The following BOC variants were observed in gnomAD, a reference collection of about 807,000 sequenced individuals.
BOC encodes the protein BOC cell adhesion associated, oncogene regulated.
A neutral mutation model predicts 112.0 loss-of-function variants in BOC; 76 were observed. The ratio of observed to expected loss-of-function variants is 0.68; its 90% CI spans 0.56 to 0.82. The LOEUF is 0.82. Ranked by LOEUF, BOC falls within the 40% of genes least tolerant of loss-of-function variation. BOC has a pLI of 0.00. For synonymous variants in BOC, 580 were observed against 599.8 expected (o/e 0.97, Z 0.48); for missense variants, 1,309 against 1,511.7 (o/e 0.87, Z 2.22).
At chr3:113,246,104 T>G (rs564295336) in intron 2 of BOC, among the ~76,000 whole-genome samples, 1 of 152,370 alleles carries the variant, frequency 6.6e-6, no homozygotes, top group Non-Finnish European at 1.5e-5. Context: ...TTGTTGTTGT[T>G]GTTTTTGGAA....
At chr3:113,273,452 A>C in intron 8 of BOC, 111 bp downstream of exon 8, 1 of 1,220,964 alleles carries the variant, frequency 8.2e-7, no homozygotes, top group Non-Finnish European at 1.1e-6. Context: ...AGTAGCTTTT[A>C]GTTGTAAGCT....
Position 113,274,668 on chromosome 3 carries a change from G to T in BOC, c.1528G>T (p.Val510Leu), listed in dbSNP as rs1204122400. Reference protein sequence around the residue: ...SGRAPILYYVVKHRKQVTNSS... With the variant: ...SGRAPILYYVLKHRKQVTNSS... The stretch of plus-strand genomic sequence containing the variant: ...CCGGGCGCCAATCCTCTACTATGTG[G>T]TGAAACACCGCAAGGTATGGCCCTG... Residue 510 changes from valine to leucine, a missense_variant, in exon 9 of 20, where the codon GTG becomes TTG. By Grantham distance (32) the Val-to-Leu change is conservative. Transcript: ENST00000682979. The surrounding 1 kb of genome is among the most constrained non-coding windows in gnomAD (Gnocchi z 4.8). The T allele has an allele frequency of 2.5e-6, 4 of 1,596,748 alleles. No homozygotes were observed. Among genetic ancestry groups the T allele is most frequent in the Non-Finnish European group, 8.6e-7 (1 of 1,167,550 alleles).
chr3:113,238,900 A>G (rs747655403), intron 2 of BOC, among the ~76,000 whole-genome samples: 1 of 152,222 alleles, frequency 6.6e-6, no homozygotes, highest in African/African-American at 2.4e-5. Context: ...GTTGAGCTTA[A>G]TGTTTTAGAA....
At chr3:113,257,861 G>A (rs1004238512) in intron 4 of BOC, among the ~76,000 whole-genome samples, 1 of 152,142 alleles carries the variant, frequency 6.6e-6, no homozygotes, top group Non-Finnish European at 1.5e-5. Context: ...ATTCTCCAGT[G>A]CTGACTCCTA....
At chr3:113,242,041 C>G (rs1944371772) in intron 2 of BOC, among the ~76,000 whole-genome samples, 1 of 150,960 alleles carries the variant, frequency 6.6e-6, no homozygotes, top group Non-Finnish European at 1.5e-5. Flanking sequence ...AAGAGGAGCT[C>G]TGAATGAAGA....
rs1948229397 is a variant in BOC, at chr3:113,272,539, A to C, written c.797A>C (p.Lys266Thr). The C allele has an allele frequency of 6.2e-7, 1 of 1,613,990 alleles. No homozygotes were observed. Among genetic ancestry groups the C allele is most frequent in the African/African-American group, 1.3e-5 (1 of 74,912 alleles). ...GIPPPRVTWA[K>T]DGSSVTGYNK... Reference sequence around the variant, plus strand: ...CCACCCCCACGGGTCACCTGGGCCAAGGATGGGTCCAGTGTCACCGGCTAC... The same window carrying C: ...CCACCCCCACGGGTCACCTGGGCCACGGATGGGTCCAGTGTCACCGGCTAC... Residue 266 changes from lysine (K) to threonine (T), a missense_variant, in exon 7 of 20, where the codon AAG (lysine) becomes ACG (threonine). Transcript: ENST00000682979.
At chr3:113,214,480 G>C (rs1216211414) in intron 1 of BOC, among the ~76,000 whole-genome samples, 4 of 152,220 alleles carry the variant, frequency 2.6e-5, no homozygotes, top group Non-Finnish European at 5.9e-5. Context: ...CAAAGCCACT[G>C]ATGTGGGTAA....
intron 3 of BOC, 58 bp from the exon 4 acceptor site, chr3:113,250,497 C>T (rs997019116): frequency 1.9e-5 from 30 of 1,540,416 alleles, no homozygotes; most frequent in Admixed American, 6.0e-5. Flanking sequence ...CTTCTAAAAA[C>T]GTGATGTTGT....
intron 6 of BOC, 99 bp downstream of exon 6, chr3:113,271,043 G>A (rs771604309): frequency 6.5e-7 from 1 of 1,548,716 alleles, no homozygotes; most frequent in Non-Finnish European, 8.8e-7. Flanking sequence ...CCACATCCAA[G>A]CTCCAGTTCT....
At position 113,279,996 on chromosome 3, in the gene BOC, C is replaced by G. The variant is rs1318421029; in HGVS notation, c.2196C>G (p.Leu732=). 1.9e-6 allele frequency: 3 copies of G among 1,607,380 alleles called. No individual in the cohort carries two copies. The highest frequency in any genetic ancestry group is 1.7e-6 in the Non-Finnish European group (2 of 1,176,214). Residue 732 remains leucine, a synonymous_variant, in exon 13 of 20, where the codon CTC becomes CTG. Coordinates refer to ENST00000682979, the MANE Select transcript of BOC (RefSeq NM_001378074.1). ...CGGTCAATGAGACCACCATCATGCT[C>G]AAGTGGATGGTAAGCGGGCCTGGCC... ...TDAVNETTIM[L]KWMYIPASNN...
intron 2 of BOC, among the ~76,000 whole-genome samples, chr3:113,239,318 C>G (rs1576377637): frequency 6.6e-6 from 1 of 152,190 alleles, no homozygotes; most frequent in Middle Eastern, 3.4e-3. Flanking sequence ...TGATCAGATA[C>G]TGGGGCGGAG....
Position 113,274,495 on chromosome 3 carries a change from CAACG to C in BOC, c.1356_1359del (p.Thr453GlnfsTer57). 6.2e-7 allele frequency: 1 copy of C among 1,612,698 alleles called. No individual in the cohort carries two copies. Among genetic ancestry groups the C allele is most frequent in the Non-Finnish European group, 8.5e-7 (1 of 1,179,254 alleles). On this transcript the variant is annotated frameshift_variant, in exon 9 of 20. Transcript: ENST00000682979. LOFTEE classifies it high-confidence loss of function. This position sits in a 1 kb window ranked among gnomAD's most constrained non-coding sequence, Gnocchi z 4.8. Reference sequence around the variant, plus strand: ...GGGCAACCGGCGCTCCCCAGACCCCCAACGTCAGTGGGGCCTGCTTCCCCGCAGT... The same window carrying C: ...GGGCAACCGGCGCTCCCCAGACCCCCTCAGTGGGGCCTGCTTCCCCGCAGT...
chr3:113,248,802 A>G (rs1458049614), intron 2 of BOC, among the ~76,000 whole-genome samples: 3 of 152,152 alleles, frequency 2.0e-5, no homozygotes, highest in Non-Finnish European at 4.4e-5. Context: ...CTAGGCAGAG[A>G]GGGTGACTGA....
At chr3:113,218,177 G>A (rs575106185) in intron 2 of BOC, among the ~76,000 whole-genome samples, 31 of 152,318 alleles carry the variant, frequency 2.0e-4, no homozygotes, top group Admixed American at 3.9e-4. Flanking sequence ...CCGGCTGGCC[G>A]TGGAGGCCTT....
intron 4 of BOC, among the ~76,000 whole-genome samples, chr3:113,267,101 G>C (rs1559861861): frequency 6.6e-6 from 1 of 152,202 alleles, no homozygotes. Flanking sequence ...GGTGTGGCCA[G>C]TATTCGGAGA....
intron 2 of BOC, among the ~76,000 whole-genome samples, chr3:113,239,141 G>A (rs1943960349): frequency 6.6e-6 from 1 of 152,244 alleles, no homozygotes; most frequent in South Asian, 2.1e-4. Flanking sequence ...TTTTTATCTT[G>A]ATTACATGTT....
Position 113,260,721 on chromosome 3 carries a change from A to AAGAACAGAACGGAACAGAACAGAAC in BOC, c.377-7568_377-7567insGGAACAGAACAGAACAGAACAGAAC, listed in dbSNP as rs1946771173. On this transcript the variant is annotated intron_variant, in intron 4 of 19. Coordinates refer to ENST00000682979, the MANE Select transcript of BOC (RefSeq NM_001378074.1). The stretch of plus-strand genomic sequence containing the variant: ...ACAGAACAGAACAGAACAGAACAGA[A>AAGAACAGAACGGAACAGAACAGAAC]AGAACAGAACAGAACAGAACAGAAC... Among the ~76,000 whole-genome samples, 12 of 92,262 alleles carry AAGAACAGAACGGAACAGAACAGAAC rather than the reference A, an allele frequency of 1.3e-4. No homozygotes were observed. In the South Asian group the frequency reaches 4.5e-3, roughly 35 times the overall value. 60.5% of individuals were successfully genotyped at this position (92,262 alleles called of 152,430 possible). A position where few individuals can be genotyped will look rare whatever the true frequency, so the allele number is the denominator to read the frequency against.
intron 2 of BOC, among the ~76,000 whole-genome samples, chr3:113,224,966 A>G (rs80167208): frequency 0.089 from 13,577 of 152,078 alleles, 638 homozygotes; most frequent in African/African-American, 0.12. Flanking sequence ...AGTCCCAGCT[A>G]CTCGGGAGGC....
chr3:113,245,995 C>T (rs1009058883), intron 2 of BOC, among the ~76,000 whole-genome samples: 1 of 152,200 alleles, frequency 6.6e-6, no homozygotes, highest in Non-Finnish European at 1.5e-5. Context: ...CTGGCCTCCT[C>T]CTGATGATGA....
Sources: gnomAD v4.1 joint callset for allele counts (sites outside exome capture counted in the v4.1 genomes callset) on GRCh38, gnomAD v4.1.1 for gene constraint, Gnocchi (gnomAD v3.1) non-coding constraint, MANE v1.5 for transcripts, NCBI Gene and HGNC (gene_info 2026-07-23, HGNC 2026-07-21) for gene names.